NCAM1: variants seen among roughly 807,000 people sequenced by gnomAD.
NCAM1 encodes the protein antigen recognized by monoclonal antibody 5.1H11.
NCAM1 carries 14 observed loss-of-function variants against 109.8 expected under a neutral mutation model. The ratio of observed to expected loss-of-function variants is 0.13; its 90% CI spans 0.08 to 0.20. NCAM1 has a LOEUF of 0.20. NCAM1 is among the 10% of genes least tolerant of loss of function. The probability of loss-of-function intolerance (pLI) is 1.00; values close to 1 mark genes in which losing one functional copy is unlikely to be tolerated. For synonymous variants in NCAM1, 418 were observed against 442.9 expected (o/e 0.94, Z 0.70); for missense variants, 774 against 1,109.9 (o/e 0.70, Z 4.30).
At chr11:113,117,578 G>A (rs1940766170) in intron 1 of NCAM1, among the ~76,000 whole-genome samples, 1 of 151,956 alleles carries the variant, frequency 6.6e-6, no homozygotes, top group South Asian at 2.1e-4. Flanking sequence ...AAATGTCTTT[G>A]GATTGTAGAC....
At chr11:113,258,703 C>T (rs1364330053) in intron 16 of NCAM1, among the ~76,000 whole-genome samples, 1 of 152,208 alleles carries the variant, frequency 6.6e-6, no homozygotes, top group African/African-American at 2.4e-5. Flanking sequence ...TTCAATTATA[C>T]TGACTTGATC....
At chr11:113,059,217 A>G (rs926967512) in intron 1 of NCAM1, among the ~76,000 whole-genome samples, 4 of 152,220 alleles carry the variant, frequency 2.6e-5, no homozygotes, top group African/African-American at 4.8e-5. Flanking sequence ...CAAGCTTAAG[A>G]TAGTGAGCTC....
At chr11:113,097,509 G>T (rs148844875) in intron 1 of NCAM1, among the ~76,000 whole-genome samples, 1 of 151,576 alleles carries the variant, frequency 6.6e-6, no homozygotes, top group African/African-American at 2.4e-5. Flanking sequence ...ATACCCTCCC[G>T]TTAGCTGAAT....
intron 15 of NCAM1, among the ~76,000 whole-genome samples, chr11:113,246,880 A>G (rs1945515054): frequency 6.6e-6 from 1 of 152,248 alleles, no homozygotes; most frequent in Non-Finnish European, 1.5e-5. Flanking sequence ...CATAAAATTC[A>G]TGCACATTGA....
intron 1 of NCAM1, among the ~76,000 whole-genome samples, chr11:113,053,840 G>A (rs1350042855): frequency 1.3e-5 from 2 of 152,156 alleles, no homozygotes; most frequent in Non-Finnish European, 2.9e-5. Flanking sequence ...GTCCCTGGGG[G>A]CTTGTGAATG....
At chr11:113,176,965 A>T (rs1555107143) in intron 1 of NCAM1, among the ~76,000 whole-genome samples, 1 of 152,192 alleles carries the variant, frequency 6.6e-6, no homozygotes, top group Non-Finnish European at 1.5e-5. Flanking sequence ...GATATGCTAC[A>T]CTGGGTTTAC....
intron 1 of NCAM1, among the ~76,000 whole-genome samples, chr11:113,082,557 A>G (rs1380840443): frequency 6.6e-6 from 1 of 152,236 alleles, no homozygotes; most frequent in Non-Finnish European, 1.5e-5. Context: ...TAGTCTGCTA[A>G]TTGAGCTGGA....
Position 112,991,772 on chromosome 11 carries a change from A to T in NCAM1, c.52+30108A>T, listed in dbSNP as rs1187489388. On this transcript the variant is annotated intron_variant, in intron 1 of 19. Transcript: ENST00000316851. ...TTTAGACATATTTTGTACTATCATC[A>T]GTTACTATTTGTGCATAATGAAACA... 3.3e-5 allele frequency among the ~76,000 whole-genome samples: 5 copies of T among 152,212 alleles called. No individual in the cohort carries two copies. The East Asian group carries it at 9.6e-4, about 29-fold the overall frequency.
intron 1 of NCAM1, among the ~76,000 whole-genome samples, chr11:113,198,157 G>C (rs1375285283): frequency 1.3e-5 from 2 of 152,118 alleles, no homozygotes; most frequent in Non-Finnish European, 1.5e-5. Context: ...CTTTTTTTCT[G>C]TCTGTGAACA....
At chr11:113,021,017 A>G (rs1952367640) in intron 1 of NCAM1, among the ~76,000 whole-genome samples, 1 of 152,132 alleles carries the variant, frequency 6.6e-6, no homozygotes, top group African/African-American at 2.4e-5. Flanking sequence ...TCGGCCTCCC[A>G]AAGTGCTGGG....
At chr11:113,015,912 T>G (rs1952195431) in intron 1 of NCAM1, among the ~76,000 whole-genome samples, 1 of 152,100 alleles carries the variant, frequency 6.6e-6, no homozygotes, top group South Asian at 2.1e-4. Context: ...ATGTTTTCCT[T>G]TGAGACAGAG....
chr11:113,265,293 C>A (rs2137716178), intron 17 of NCAM1: 1 of 394,280 alleles, frequency 2.5e-6, no homozygotes, highest in Non-Finnish European at 3.4e-6. Flanking sequence ...TAGACTATTA[C>A]CTAGAGAAAT....
chr11:113,232,887 C>T, intron 12 of NCAM1, 73 bp downstream of exon 12: 2 of 1,326,132 alleles, frequency 1.5e-6, no homozygotes, highest in African/African-American at 1.4e-5. Context: ...AATTTGTGTA[C>T]TTGAGTGATT....
At chr11:113,202,498 A>G in intron 2 of NCAM1, 45 bp downstream of exon 2, 1 of 1,549,390 alleles carries the variant, frequency 6.5e-7, no homozygotes, top group Non-Finnish European at 8.8e-7. Flanking sequence ...TGCTTCAGAA[A>G]CTCACTGGGT....
intron 1 of NCAM1, among the ~76,000 whole-genome samples, chr11:113,005,003 C>T (rs1951857865): frequency 6.6e-6 from 1 of 152,042 alleles, no homozygotes; most frequent in Non-Finnish European, 1.5e-5. Flanking sequence ...TTAATTTTTG[C>T]TATCATATTT....
chr11:113,233,117 C>G lies in NCAM1; in HGVS notation c.1523-30C>G. ...ATGGTCTTGGGCCAAACTGGGCTCA[C>G]CTGAGTCTCCATATGTGTCTTCCCC... On this transcript the variant is annotated intron_variant, in intron 12 of 19. Coordinates refer to ENST00000316851, the MANE Select transcript of NCAM1 (RefSeq NM_181351.5). This position sits in a 1 kb window ranked among gnomAD's most constrained non-coding sequence, Gnocchi z 4.5. 6.2e-7 allele frequency: 1 copy of G among 1,602,170 alleles called. No homozygotes were observed. Among genetic ancestry groups the G allele is most frequent in the Non-Finnish European group, 8.5e-7 (1 of 1,174,840 alleles).
intron 1 of NCAM1, among the ~76,000 whole-genome samples, chr11:113,033,888 T>A (rs1555078707): frequency 1.3e-5 from 2 of 152,366 alleles, no homozygotes; most frequent in Admixed American, 6.5e-5. Flanking sequence ...CATGCTGCAA[T>A]CCTGTTACCA....
chr11:113,187,112 C>A (rs1316427531), intron 1 of NCAM1, among the ~76,000 whole-genome samples: 2 of 152,224 alleles, frequency 1.3e-5, no homozygotes, highest in Admixed American at 6.5e-5. Flanking sequence ...AGCCTCATAT[C>A]TGAGCTGAAT....
At chr11:113,230,703 G>A (rs1365122894) in intron 9 of NCAM1, among the ~76,000 whole-genome samples, 1 of 152,180 alleles carries the variant, frequency 6.6e-6, no homozygotes, top group Non-Finnish European at 1.5e-5. Flanking sequence ...ATCATATACT[G>A]GAGACAAGAG....
Sources: gnomAD v4.1 joint callset for allele counts (sites outside exome capture counted in the v4.1 genomes callset) on GRCh38, gnomAD v4.1.1 for gene constraint, Gnocchi (gnomAD v3.1) non-coding constraint, MANE v1.5 for transcripts, NCBI Gene and HGNC (gene_info 2026-07-23, HGNC 2026-07-21) for gene names.